CPA4: variants seen among roughly 807,000 people sequenced by gnomAD.
CPA4 encodes the protein carboxypeptidase A3.
Under a neutral mutation model 54.7 loss-of-function variants are expected in CPA4, and 49 were observed. The ratio of observed to expected loss-of-function variants is 0.90; its 90% CI spans 0.71 to 1.14. CPA4 has a LOEUF of 1.14. CPA4 is among the 50% of genes most tolerant of loss of function. CPA4 has a pLI of 0.00. For synonymous variants in CPA4, 215 were observed against 206.8 expected (o/e 1.04, Z -0.34); for missense variants, 487 against 525.1 (o/e 0.93, Z 0.71).
chr7:130,309,306 C>A (rs937675481), intron 8 of CPA4, among the ~76,000 whole-genome samples: 9 of 151,428 alleles, frequency 5.9e-5, no homozygotes, highest in Non-Finnish European at 8.9e-5. Context: ...AAACGGGGAA[C>A]CTTCACCCCT....
Position 130,300,954 on chromosome 7 carries a change from C to A in CPA4, c.384+40C>A, listed in dbSNP as rs1319980865. 2.2e-6 allele frequency: 3 copies of A among 1,343,322 alleles called. No individual in the cohort carries two copies. The Admixed American group carries it at 5.1e-5, about 23-fold the overall frequency. 83.2% of individuals were successfully genotyped at this position (1,343,322 alleles called of 1,614,324 possible). ...GTGGGTTAAGATCAAGGTTCTCTGC[C>A]TCCTGAATTTTGTAACCTCTCTCCT... is the stretch of plus-strand genomic sequence containing the variant. On this transcript the variant is annotated intron_variant, in intron 4 of 10. Coordinates refer to ENST00000222482, the MANE Select transcript of CPA4 (RefSeq NM_016352.4).
chr7:130,310,993 C>T lies in CPA4; in HGVS notation c.993+7C>T, dbSNP rs777592858. ...CCCAGATGCCGAGGAACTCGTGAGT[C>T]ACAGCTGCCTCCCACCCAGCCTGGG... On this transcript the variant is annotated splice_region_variant and intron_variant, in intron 9 of 10. Transcript: ENST00000222482. The surrounding 1 kb of genome is among the most constrained non-coding windows in gnomAD (Gnocchi z 4.3). 9.9e-6 allele frequency: 16 copies of T among 1,612,400 alleles called. No homozygotes were observed. Among genetic ancestry groups the T allele is most frequent in the East Asian group, 2.2e-5 (1 of 44,870 alleles).
At chr7:130,303,912 G>C (rs1177269930) in intron 4 of CPA4, among the ~76,000 whole-genome samples, 2 of 151,866 alleles carry the variant, frequency 1.3e-5, no homozygotes, top group East Asian at 3.9e-4. Context: ...AAAGTGTTGG[G>C]ATTATAGGCA....
chr7:130,302,961 G>A (rs1793762240), intron 4 of CPA4, among the ~76,000 whole-genome samples: 1 of 152,082 alleles, frequency 6.6e-6, no homozygotes, highest in Non-Finnish European at 1.5e-5. Flanking sequence ...TTTGTTTCTG[G>A]CACCTACAAT....
chr7:130,301,008 C>G (rs963565158), intron 4 of CPA4, 94 bp downstream of exon 4: 2 of 783,822 alleles, frequency 2.6e-6, no homozygotes, highest in African/African-American at 3.4e-5. Context: ...GTCTTCAGCA[C>G]AATATCCCCT....
chr7:130,311,127 C>T (rs1223056553), intron 9 of CPA4, 141 bp downstream of exon 9: 1 of 672,432 alleles, frequency 1.5e-6, no homozygotes, highest in Non-Finnish European at 2.6e-6. Flanking sequence ...TCTCCCTGCC[C>T]TTTGGGATAT....
intron 4 of CPA4, among the ~76,000 whole-genome samples, chr7:130,303,412 A>C (rs1229291643): frequency 6.6e-6 from 1 of 152,220 alleles, no homozygotes; most frequent in Non-Finnish European, 1.5e-5. Context: ...GGAAGAAACA[A>C]TTACAACTTC....
rs1281135134 is a variant in CPA4 at position 130,323,975 on chromosome 7, CA to C, written c.*1301del. 1 of 152,024 alleles carries C rather than the reference CA, an allele frequency of 6.6e-6. No individual in the cohort carries two copies. The highest frequency in any genetic ancestry group is 1.5e-5 in the Non-Finnish European group (1 of 68,180). 9.4% of individuals were successfully genotyped at this position (152,024 alleles called of 1,614,324 possible). A position where few individuals can be genotyped will look rare whatever the true frequency, so the allele number is the denominator to read the frequency against. Reference sequence around the variant, plus strand: ...TCTGTCTATTTTGTATCCTGGACCACAAGTTCCTAAGTAGAGCAAGAATTCA... The same window carrying C: ...TCTGTCTATTTTGTATCCTGGACCACAGTTCCTAAGTAGAGCAAGAATTCA... On this transcript the variant is annotated 3_prime_UTR_variant, in exon 11 of 11. Coordinates refer to ENST00000222482, the MANE Select transcript of CPA4 (RefSeq NM_016352.4).
At position 130,312,004 on chromosome 7, in the gene CPA4, A is replaced by AT. The variant is rs772339798; in HGVS notation, c.994-28dup. 7.3e-5 allele frequency: 114 copies of AT among 1,559,056 alleles called. 1 individual carries two copies. The highest frequency in any genetic ancestry group is 5.0e-5 in the Admixed American group (3 of 59,916). ...TGAGGAAGGTCAAGCTTCAGGATCG[A>AT]TTTTTTCTCACTCCACGGATTCCCC... On this transcript the variant is annotated intron_variant, in intron 9 of 10. Coordinates refer to ENST00000222482, the MANE Select transcript of CPA4 (RefSeq NM_016352.4).
chr7:130,300,840 G>A lies in CPA4; in HGVS notation c.310G>A (p.Glu104Lys), dbSNP rs779708542. 4 of 1,613,444 alleles carry A rather than the reference G, an allele frequency of 2.5e-6. No individual in the cohort carries two copies. Among genetic ancestry groups the A allele is most frequent in the Non-Finnish European group, 2.5e-6 (3 of 1,179,538 alleles). Reference protein sequence around the residue: ...LQALLDNEDDEMQHNEGQERS... With the variant: ...LQALLDNEDDKMQHNEGQERS... ...GGCCCTTTTAGACAATGAAGATGAT[G>A]AAATGCAACACAATGAAGGGCAAGA... Residue 104 changes from glutamate to lysine, a missense_variant, in exon 4 of 11, where the codon GAA becomes AAA. Coordinates refer to ENST00000222482, the MANE Select transcript of CPA4 (RefSeq NM_016352.4).
At position 130,305,877 on chromosome 7, in the gene CPA4, G is replaced by T. The variant is rs3735053; in HGVS notation, c.548G>T (p.Arg183Leu). The T allele has an allele frequency of 1.5e-5, 25 of 1,614,182 alleles. No homozygotes were observed. In the East Asian group the frequency reaches 5.6e-4, roughly 36 times the overall value. The change falls in exon 6 of 11, where the codon CGA becomes CTA. Residue 183 changes from arginine (R) to leucine (L), a missense_variant. Arg to Leu is a moderately radical substitution (Grantham distance 102). Coordinates refer to ENST00000222482, the MANE Select transcript of CPA4 (RefSeq NM_016352.4). Reference sequence around the variant, plus strand: ...TGGCTGAATGCAGGCATCCATTCCCGAGAGTGGATCTCCCAGGCCACTGCA... The same window carrying T: ...TGGCTGAATGCAGGCATCCATTCCCTAGAGTGGATCTCCCAGGCCACTGCA... ...AVWLNAGIHS[R>L]EWISQATAIW... is the part of the protein sequence containing the mutation.
chr7:130,318,646 G>C (rs1000337607), intron 10 of CPA4, among the ~76,000 whole-genome samples: 1 of 152,058 alleles, frequency 6.6e-6, no homozygotes, highest in Admixed American at 6.6e-5. Context: ...CCCGACCTCA[G>C]GTGATCTGCC....
chr7:130,299,612 A>G (rs1295654104), intron 3 of CPA4: 2 of 537,676 alleles, frequency 3.7e-6, no homozygotes, highest in African/African-American at 3.8e-5. Flanking sequence ...GGAACCACAC[A>G]GATTTGGATC....
At chr7:130,303,254 C>T (rs1290919508) in intron 4 of CPA4, among the ~76,000 whole-genome samples, 1 of 131,974 alleles carries the variant, frequency 7.6e-6, no homozygotes, top group Admixed American at 7.4e-5. Context: ...CTATTTAAAT[C>T]GAACTTTTTT....
At chr7:130,306,761 C>A in intron 6 of CPA4, 26 bp from the exon 7 acceptor site, 2 of 1,355,546 alleles carry the variant, frequency 1.5e-6, no homozygotes, top group South Asian at 1.2e-5. Context: ...CATGGGATAG[C>A]TGACAAGCAT....
At chr7:130,304,398 C>T in intron 4 of CPA4, 80 bp from the exon 5 acceptor site, 1 of 879,396 alleles carries the variant, frequency 1.1e-6, no homozygotes, top group Non-Finnish European at 2.0e-6. Context: ...TAGTTAAGAT[C>T]AACAAGGTAA....
Position 130,322,530 on chromosome 7 carries a change from G to A in CPA4, c.1120G>A (p.Gly374Ser), listed in dbSNP as rs771428963. The change falls in exon 11 of 11, where the codon GGC becomes AGC. Residue 374 changes from glycine (G) to serine (S), a missense_variant. By Grantham distance (56) the Gly-to-Ser change is moderately conservative. Transcript: ENST00000222482. Reference sequence around the variant, plus strand: ...CAGCATCGACTGGGCATATGACAACGGCATCAAATTTGCATTCACATTTGA... The same window carrying A: ...CAGCATCGACTGGGCATATGACAACAGCATCAAATTTGCATTCACATTTGA... ...GSSIDWAYDN[G>S]IKFAFTFELR... 26 of 1,613,892 alleles carry A rather than the reference G, an allele frequency of 1.6e-5. No individual in the cohort carries two copies. In the East Asian group the frequency reaches 3.6e-4, roughly 22 times the overall value.
At position 130,306,828 on chromosome 7, in the gene CPA4, C is replaced by G. The variant is rs747789754; in HGVS notation, c.633C>G (p.Ile211Met). ...DYQRDPAITS[I>M]LEKMDIFLLP... ...AGAGGGATCCAGCTATCACCTCCAT[C>G]TTGGAGAAAATGGATATTTTCTTGT... The change falls in exon 7 of 11, where the codon ATC becomes ATG. Residue 211 changes from isoleucine to methionine, a missense_variant. Physicochemically the swap from Ile to Met is conservative, Grantham distance 10 (BLOSUM62 1). Coordinates refer to ENST00000222482, the MANE Select transcript of CPA4 (RefSeq NM_016352.4). 1.9e-6 allele frequency: 3 copies of G among 1,611,404 alleles called. No individual in the cohort carries two copies. Among genetic ancestry groups the G allele is most frequent in the Non-Finnish European group, 8.5e-7 (1 of 1,177,476 alleles).
chr7:130,311,504 T>C (rs1793913151), intron 9 of CPA4, among the ~76,000 whole-genome samples: 1 of 152,050 alleles, frequency 6.6e-6, no homozygotes. Context: ...CACGGCAAAG[T>C]GCGGGCTTGA....
Sources: gnomAD v4.1 joint callset for allele counts (sites outside exome capture counted in the v4.1 genomes callset) on GRCh38, gnomAD v4.1.1 for gene constraint, Gnocchi (gnomAD v3.1) non-coding constraint, MANE v1.5 for transcripts, NCBI Gene and HGNC (gene_info 2026-07-23, HGNC 2026-07-21) for gene names.